Variants in GAREM1 observed in about 807,000 individuals in gnomAD.
The protein encoded by GAREM1 is GRB2 associated regulator of MAPK1 subtype 1, also known as GRB2-associated and regulator of MAPK protein 1.
In GAREM1, 26 loss-of-function variants were observed where a neutral mutation model predicts 71.3. That is an observed-to-expected ratio of 0.36 (90% CI 0.27 to 0.51). GAREM1 has a LOEUF of 0.51. GAREM1 is among the 20% of genes least tolerant of loss of function. The pLI, the probability that GAREM1 is intolerant of heterozygous loss-of-function variation, is 0.95. For missense variants in GAREM1, 1,026 were observed against 1,103.1 expected, an observed-to-expected ratio of 0.93 and a Z score of 0.99; for synonymous variants, 440 against 433.2, an observed-to-expected ratio of 1.02 and a Z score of -0.20.
intron 2 of GAREM1, among the ~76,000 whole-genome samples, chr18:32,367,701 C>T (rs2047939940): frequency 6.6e-6 from 1 of 152,166 alleles, no homozygotes; most frequent in African/African-American, 2.4e-5. Flanking sequence ...GGATGGCAGA[C>T]ACGGTTCAGT....
At chr18:32,381,592 C>T (rs1279517779) in intron 2 of GAREM1, among the ~76,000 whole-genome samples, 1 of 152,166 alleles carries the variant, frequency 6.6e-6, no homozygotes, top group African/African-American at 2.4e-5. Context: ...TCAGGTCTAT[C>T]TTAAAAACTT....
chr18:32,445,358 T>C (rs1027076345), intron 1 of GAREM1, among the ~76,000 whole-genome samples: 1 of 152,266 alleles, frequency 6.6e-6, no homozygotes, highest in Non-Finnish European at 1.5e-5. Flanking sequence ...TATCTGGGCA[T>C]CTTTCATGAA....
intron 4 of GAREM1, among the ~76,000 whole-genome samples, chr18:32,286,213 C>A (rs1192762119): frequency 6.6e-6 from 1 of 152,124 alleles, no homozygotes; most frequent in African/African-American, 2.4e-5. Context: ...GGCCCTTTCT[C>A]TTGTTCTAAA....
rs942009292 is a variant in GAREM1 at position 32,365,866 on chromosome 18, A to T, written c.262+27029T>A. ...TACACTTCTGGAGGTAATACATTTCATAAGTAAAAGTTAAATGAGGCAATT... is the reference window on the plus strand; with the variant it reads ...TACACTTCTGGAGGTAATACATTTCTTAAGTAAAAGTTAAATGAGGCAATT... On this transcript the variant is annotated intron_variant, in intron 2 of 5. Transcript: ENST00000269209. 2.0e-5 allele frequency among the ~76,000 whole-genome samples: 3 copies of T among 152,334 alleles called. No individual in the cohort carries two copies. The South Asian group carries it at 6.2e-4, about 32-fold the overall frequency.
chr18:32,374,566 A>G (rs1323918744), intron 2 of GAREM1, among the ~76,000 whole-genome samples: 4 of 152,238 alleles, frequency 2.6e-5, no homozygotes, highest in Non-Finnish European at 5.9e-5. Context: ...TTACACAGGT[A>G]CCTCTGGAGA....
At chr18:32,412,434 C>T in intron 1 of GAREM1, 1 of 1,587,858 alleles carries the variant, frequency 6.3e-7, no homozygotes. Context: ...TCCATCATTA[C>T]CAAATCCATT....
At chr18:32,345,331 C>T (rs943551501) in intron 2 of GAREM1, among the ~76,000 whole-genome samples, 1 of 152,138 alleles carries the variant, frequency 6.6e-6, no homozygotes, top group Non-Finnish European at 1.5e-5. Context: ...GAGTCTTCTC[C>T]AATCATATTT....
intron 2 of GAREM1, chr18:32,331,493 C>T (rs1180661636): frequency 6.6e-6 from 1 of 152,142 alleles, no homozygotes; most frequent in East Asian, 1.9e-4. Context: ...AAATATTAAT[C>T]CTGTATATGA....
intron 3 of GAREM1, among the ~76,000 whole-genome samples, chr18:32,297,686 A>G (rs1338267284): frequency 3.9e-5 from 6 of 152,228 alleles, no homozygotes; most frequent in African/African-American, 1.4e-4. Flanking sequence ...CATTACAATT[A>G]TATCCCAAAG....
At chr18:32,322,873 G>A (rs1045156887) in intron 2 of GAREM1, among the ~76,000 whole-genome samples, 30 of 152,106 alleles carry the variant, frequency 2.0e-4, no homozygotes, top group African/African-American at 7.0e-4. Flanking sequence ...TAATTAGACC[G>A]CAGTGCCGTA....
intron 3 of GAREM1, among the ~76,000 whole-genome samples, chr18:32,295,740 A>G (rs990847484): frequency 2.0e-5 from 3 of 152,232 alleles, no homozygotes; most frequent in Admixed American, 6.5e-5. Flanking sequence ...CGTAGGAGAC[A>G]TTGTAAGTAC....
intron 2 of GAREM1, among the ~76,000 whole-genome samples, chr18:32,366,756 C>T (rs116958586): frequency 0.029 from 4,347 of 152,242 alleles, 124 homozygotes; most frequent in Non-Finnish European, 0.039. Context: ...GTTTTGTTTC[C>T]GGCTAGCTGG....
At chr18:32,388,145 G>C (rs1185281339) in intron 2 of GAREM1, among the ~76,000 whole-genome samples, 1 of 152,148 alleles carries the variant, frequency 6.6e-6, no homozygotes, top group African/African-American at 2.4e-5. Context: ...TACCCAAATG[G>C]AGAAACATAG....
At chr18:32,275,970 T>C (rs1318699176) in intron 4 of GAREM1, among the ~76,000 whole-genome samples, 1 of 152,210 alleles carries the variant, frequency 6.6e-6, no homozygotes, top group Non-Finnish European at 1.5e-5. Flanking sequence ...CCACCGTGCC[T>C]GGCCTAAGTC....
chr18:32,268,014 T>C lies in GAREM1; in HGVS notation c.2488A>G (p.Ile830Val), dbSNP rs765498631. The change falls in exon 6 of 6, where the codon ATA becomes GTA. Residue 830 changes from isoleucine to valine, a missense_variant. Around this residue, in one of 3 missense-constraint regions of GAREM1, gnomAD observed 636 missense variants for 631.2 expected, o/e 1.01. Transcript: ENST00000269209. ...LRFIGLSEDV[I>V]SFFVTEKIDG... ...ATCTTTTCAGTAACAAAGAATGATA[T>C]GACATCTTCGGACAAACCAATGAAC... The C allele has an allele frequency of 4.3e-6, 7 of 1,614,008 alleles. No individual in the cohort carries two copies. The highest frequency in any genetic ancestry group is 2.7e-5 in the African/African-American group (2 of 74,920).
Position 32,470,275 on chromosome 18 carries a change from G to A in GAREM1, c.121+33C>T, listed in dbSNP as rs557314036. 7 of 1,470,918 alleles carry A rather than the reference G, an allele frequency of 4.8e-6. No individual in the cohort carries two copies. Among genetic ancestry groups the A allele is most frequent in the Admixed American group, 2.2e-5 (1 of 45,206 alleles). The allele number at this position is 1,470,918 out of a possible 1,614,324, so 91.1% of individuals were successfully genotyped here. ...CACCCGCGTGGAGACGGCTGTCCTC[G>A]CCCGTCTGCCCCGCGCCCCAGCTGG... On this transcript the variant is annotated intron_variant, in intron 1 of 5. Coordinates refer to ENST00000269209, the MANE Select transcript of GAREM1 (RefSeq NM_001242409.2). This position sits in a 1 kb window ranked among gnomAD's most constrained non-coding sequence, Gnocchi z 4.4.
chr18:32,341,864 G>T (rs967017872), intron 2 of GAREM1, among the ~76,000 whole-genome samples: 9 of 152,034 alleles, frequency 5.9e-5, no homozygotes, highest in Non-Finnish European at 1.3e-4. Context: ...TTTACATAGA[G>T]GATAAAATCA....
chr18:32,427,475 T>C (rs1457779968), intron 1 of GAREM1, among the ~76,000 whole-genome samples: 1 of 152,048 alleles, frequency 6.6e-6, no homozygotes, highest in African/African-American at 2.4e-5. Flanking sequence ...AAATTGAGAG[T>C]TCAATCTTGA....
intron 3 of GAREM1, among the ~76,000 whole-genome samples, chr18:32,303,577 A>G (rs928085220): frequency 1.3e-5 from 2 of 152,204 alleles, no homozygotes; most frequent in African/African-American, 4.8e-5. Context: ...AACAGCTACT[A>G]TGTACTGAGT....
Sources: gnomAD v4.1 joint callset for allele counts (sites outside exome capture counted in the v4.1 genomes callset) on GRCh38, gnomAD v4.1.1 for gene constraint, gnomAD v4.1.1 regional missense constraint, Gnocchi (gnomAD v3.1) non-coding constraint, MANE v1.5 for transcripts, NCBI Gene and HGNC (gene_info 2026-07-23, HGNC 2026-07-21) for gene names.